VTA1: variants seen among roughly 807,000 people sequenced by gnomAD.
VTA1 encodes vesicle trafficking 1, also known as vacuolar protein sorting-associated protein VTA1 homolog.
A neutral mutation model predicts 36.9 loss-of-function variants in VTA1; 24 were observed. That is an observed-to-expected ratio of 0.65 (90% CI 0.47 to 0.91). The LOEUF is 0.91. Ranked by LOEUF, VTA1 falls within the 40% of genes least tolerant of loss-of-function variation. The pLI, the probability that VTA1 is intolerant of heterozygous loss-of-function variation, is 0.00. For missense variants in VTA1, 393 were observed against 377.2 expected, an observed-to-expected ratio of 1.04 and a Z score of -0.35; for synonymous variants, 142 against 130.2, an observed-to-expected ratio of 1.09 and a Z score of -0.62.
intron 4 of VTA1, among the ~76,000 whole-genome samples, chr6:142,170,805 G>T (rs960595548): frequency 1.3e-5 from 2 of 151,768 alleles, no homozygotes; most frequent in Non-Finnish European, 2.9e-5. Flanking sequence ...GGCTAATTTT[G>T]TATTTTTTTG....
chr6:142,193,883 G>T (rs191585519), intron 5 of VTA1, among the ~76,000 whole-genome samples: 1 of 151,990 alleles, frequency 6.6e-6, no homozygotes, highest in East Asian at 1.9e-4. Context: ...AGTTTGCAGG[G>T]ATCTTAATAC....
chr6:142,160,026 C>G (rs1241860790), intron 1 of VTA1, among the ~76,000 whole-genome samples: 1 of 152,070 alleles, frequency 6.6e-6, no homozygotes, highest in African/African-American at 2.4e-5. Context: ...CTGTTGGCCT[C>G]TTTAGTAATT....
intron 1 of VTA1, among the ~76,000 whole-genome samples, chr6:142,152,504 A>T (rs1221020954): frequency 2.0e-5 from 3 of 152,020 alleles, no homozygotes; most frequent in African/African-American, 7.2e-5. Flanking sequence ...TAACAACAGA[A>T]CCCCAATAGT....
At position 142,169,697 on chromosome 6, in the gene VTA1, A is replaced by G. The variant is rs1774992922; in HGVS notation, c.335+20A>G. ...TCACAAGTAAGTAAAGAGAAAAATA[A>G]AAATTATTTTATTAATTTTGTAACT... On this transcript the variant is annotated intron_variant, in intron 3 of 7. Coordinates refer to ENST00000367630, the MANE Select transcript of VTA1 (RefSeq NM_016485.5). The G allele has an allele frequency of 6.6e-7, 1 of 1,519,374 alleles. No homozygotes were observed. The highest frequency in any genetic ancestry group is 1.3e-5 in the South Asian group (1 of 75,100). The allele number at this position is 1,519,374 out of a possible 1,614,324, so 94.1% of individuals were successfully genotyped here. A position where few individuals can be genotyped will look rare whatever the true frequency, so the allele number is the denominator to read the frequency against.
chr6:142,200,972 A>G (rs972487707), intron 6 of VTA1, among the ~76,000 whole-genome samples: 16 of 151,948 alleles, frequency 1.1e-4, no homozygotes, highest in African/African-American at 3.4e-4. Context: ...AGACTAAGCA[A>G]TTATTCTAAG....
chr6:142,191,187 A>G (rs545247320), intron 5 of VTA1, among the ~76,000 whole-genome samples: 5 of 152,112 alleles, frequency 3.3e-5, no homozygotes, highest in Non-Finnish European at 7.4e-5. Flanking sequence ...TACTCAGAAT[A>G]TTTCTAGTCT....
At chr6:142,152,840 T>G (rs1324908395) in intron 1 of VTA1, among the ~76,000 whole-genome samples, 2 of 152,086 alleles carry the variant, frequency 1.3e-5, no homozygotes, top group Non-Finnish European at 2.9e-5. Flanking sequence ...CTTTTTTTTG[T>G]GAGAAAAAAA....
At chr6:142,155,868 A>AT (rs1778652305) in intron 1 of VTA1, among the ~76,000 whole-genome samples, 1 of 152,054 alleles carries the variant, frequency 6.6e-6, no homozygotes, top group Admixed American at 6.6e-5. Context: ...CTTTACCGTA[A>AT]TTGCTTTTTC....
At position 142,222,787 on chromosome 6, in the gene VTA1, A is replaced by G. The variant is rs1776135244; in HGVS notation, c.*4144A>G. ...ACAAATTCTAAGTAAGCAACACTTC[A>G]ATAATAATCATAATAGCTAACATTT... On this transcript the variant is annotated 3_prime_UTR_variant, in exon 8 of 8. Coordinates refer to ENST00000367630, the MANE Select transcript of VTA1 (RefSeq NM_016485.5). 1 of 152,208 alleles carries G rather than the reference A, an allele frequency of 6.6e-6. No homozygotes were observed. The highest frequency in any genetic ancestry group is 2.4e-5 in the African/African-American group (1 of 41,448). 9.4% of individuals were successfully genotyped at this position (152,208 alleles called of 1,614,324 possible).
At position 142,221,791 on chromosome 6, in the gene VTA1, T is replaced by C. The variant is rs1776115310; in HGVS notation, c.*3148T>C. ...TAAATATGTATTTATATATAAATCA[T>C]AAATATATTAATAAATATATAATAT... is the stretch of plus-strand genomic sequence containing the variant. On this transcript the variant is annotated 3_prime_UTR_variant, in exon 8 of 8. Transcript: ENST00000367630. 1 of 147,924 alleles carries C rather than the reference T, an allele frequency of 6.8e-6. No individual in the cohort carries two copies. Among genetic ancestry groups the C allele is most frequent in the Non-Finnish European group, 1.5e-5 (1 of 67,200 alleles). 9.2% of individuals were successfully genotyped at this position (147,924 alleles called of 1,614,324 possible).
intron 1 of VTA1, among the ~76,000 whole-genome samples, chr6:142,155,510 G>A (rs967650616): frequency 3.9e-5 from 6 of 152,164 alleles, no homozygotes; most frequent in Non-Finnish European, 2.9e-5. Flanking sequence ...TAACGTGAGG[G>A]AAGGTTTATA....
chr6:142,218,530 A>G lies in VTA1; in HGVS notation c.811A>G (p.Arg271Gly), dbSNP rs1582910212. Residue 271 changes from arginine to glycine, a missense_variant, in exon 8 of 8, where the codon AGA becomes GGA. Physicochemically the swap from Arg to Gly is moderately radical, Grantham distance 125 (BLOSUM62 -2). Coordinates refer to ENST00000367630, the MANE Select transcript of VTA1 (RefSeq NM_016485.5). ...TCGTCTAACCCCAGAAGACTTTGCT[A>G]GAGCTCAGAAGTACTGCAAATATGC... Reference protein sequence around the residue: ...DVRLTPEDFARAQKYCKYAGS... With the variant: ...DVRLTPEDFAGAQKYCKYAGS... 6.2e-7 allele frequency: 1 copy of G among 1,613,588 alleles called. No homozygotes were observed. Among genetic ancestry groups the G allele is most frequent in the Non-Finnish European group, 8.5e-7 (1 of 1,179,708 alleles).
rs1477045220 is a variant in VTA1, at chr6:142,218,812, A to G, written c.*169A>G. On this transcript the variant is annotated 3_prime_UTR_variant, in exon 8 of 8. Transcript: ENST00000367630. ...ATTGAAGCATTCATCAGCAGCCTCA[A>G]CCAGTTTTCATTGTCCATTTACTAG... is the stretch of plus-strand genomic sequence containing the variant. 31 of 721,362 alleles carry G rather than the reference A, an allele frequency of 4.3e-5. No homozygotes were observed. The highest frequency in any genetic ancestry group is 6.3e-5 in the Non-Finnish European group (30 of 479,382). 44.7% of individuals were successfully genotyped at this position (721,362 alleles called of 1,614,324 possible). A position where few individuals can be genotyped will look rare whatever the true frequency, so the allele number is the denominator to read the frequency against.
chr6:142,199,409 C>T (rs1562267338), intron 6 of VTA1, among the ~76,000 whole-genome samples: 1 of 152,000 alleles, frequency 6.6e-6, no homozygotes, highest in Non-Finnish European at 1.5e-5. Flanking sequence ...AAAAACTTTT[C>T]TTAAAAATTT....
chr6:142,173,282 G>A (rs1312823855), intron 4 of VTA1, among the ~76,000 whole-genome samples: 1 of 152,230 alleles, frequency 6.6e-6, no homozygotes, highest in Non-Finnish European at 1.5e-5. Flanking sequence ...TATTTTTGCA[G>A]TGTAAGAGGA....
At chr6:142,187,692 A>G (rs1449649872) in intron 4 of VTA1, among the ~76,000 whole-genome samples, 5 of 152,208 alleles carry the variant, frequency 3.3e-5, no homozygotes, top group Non-Finnish European at 2.9e-5. Flanking sequence ...ATCAATGTAT[A>G]GATTTTTAAA....
chr6:142,166,295 A>G lies in VTA1; in HGVS notation c.180A>G (p.Leu60=). ...DSKTPECRKF[L]SKLMDQLEAL... ...AAACTCCTGAATGTCGCAAATTTTTATCAAAGTTAATGGATCAGTTAGAAG... is the reference window on the plus strand; with the variant it reads ...AAACTCCTGAATGTCGCAAATTTTTGTCAAAGTTAATGGATCAGTTAGAAG... The change falls in exon 2 of 8, where the codon TTA becomes TTG. Residue 60 remains leucine, a synonymous_variant. Coordinates refer to ENST00000367630, the MANE Select transcript of VTA1 (RefSeq NM_016485.5). The G allele has an allele frequency of 1.2e-6, 2 of 1,612,296 alleles. No homozygotes were observed. Among genetic ancestry groups the G allele is most frequent in the Non-Finnish European group, 1.7e-6 (2 of 1,178,742 alleles).
chr6:142,181,319 G>C (rs1012480470), intron 4 of VTA1, among the ~76,000 whole-genome samples: 1 of 147,938 alleles, frequency 6.8e-6, no homozygotes, highest in Non-Finnish European at 1.5e-5. Flanking sequence ...ATTTTTAGTA[G>C]AGATGGGGTT....
intron 4 of VTA1, among the ~76,000 whole-genome samples, chr6:142,183,428 C>T (rs946495433): frequency 2.6e-5 from 4 of 152,138 alleles, no homozygotes; most frequent in African/African-American, 9.7e-5. Flanking sequence ...TCCCTCCTCC[C>T]GCCTATGGTT....
Sources: gnomAD v4.1 joint callset for allele counts (sites outside exome capture counted in the v4.1 genomes callset) on GRCh38, gnomAD v4.1.1 for gene constraint, MANE v1.5 for transcripts, NCBI Gene and HGNC (gene_info 2026-07-23, HGNC 2026-07-21) for gene names.